GRAP2: variants seen among roughly 807,000 people sequenced by gnomAD.
GRAP2 encodes the protein GRB2 related adaptor protein 2.
GRAP2 carries 31 observed loss-of-function variants against 43.5 expected under a neutral mutation model. The ratio of observed to expected loss-of-function variants is 0.71; its 90% CI spans 0.54 to 0.96. The LOEUF (loss-of-function observed/expected upper bound fraction) is 0.96, where lower values mean the gene tolerates loss of function less well. Among genes scored for constraint, GRAP2 ranks in the 40% least tolerant of loss-of-function variants. The probability of loss-of-function intolerance (pLI) is 0.00; values close to 1 mark genes in which losing one functional copy is unlikely to be tolerated. For synonymous variants in GRAP2, 156 were observed against 164.8 expected, an observed-to-expected ratio of 0.95 and a Z score of 0.41; for missense variants, 371 against 424.4, an observed-to-expected ratio of 0.87 and a Z score of 1.11.
chr22:39,961,732 G>T (rs2067122006), intron 4 of GRAP2, among the ~76,000 whole-genome samples: 1 of 152,212 alleles, frequency 6.6e-6, no homozygotes, highest in Non-Finnish European at 1.5e-5. Context: ...TAGCAGATCA[G>T]GAGAAGTACA....
rs531163734 is a variant in GRAP2 at position 39,930,381 on chromosome 22, T to G, written c.-14-16712T>G. 5.3e-5 allele frequency among the ~76,000 whole-genome samples: 8 copies of G among 152,354 alleles called. No homozygotes were observed. In the South Asian group the frequency reaches 1.7e-3, roughly 32 times the overall value. On this transcript the variant is annotated intron_variant, in intron 1 of 7. Transcript: ENST00000344138. Reference sequence around the variant, plus strand: ...TGATACATATGAACTTGGGTGATTATTTAACCCCTTTGAGCTTCACTTTCC... The same window carrying G: ...TGATACATATGAACTTGGGTGATTAGTTAACCCCTTTGAGCTTCACTTTCC...
intron 1 of GRAP2, among the ~76,000 whole-genome samples, chr22:39,936,410 C>T (rs1348621238): frequency 2.0e-5 from 3 of 152,094 alleles, no homozygotes; most frequent in Non-Finnish European, 2.9e-5. Flanking sequence ...GAGTGAGGCT[C>T]GAAGTAGCAT....
At chr22:39,917,401 G>T (rs1485263774) in intron 1 of GRAP2, among the ~76,000 whole-genome samples, 1 of 152,156 alleles carries the variant, frequency 6.6e-6, no homozygotes, top group African/African-American at 2.4e-5. Flanking sequence ...CCTGCCAGAT[G>T]CTTCTCGTTC....
At position 39,959,948 on chromosome 22, in the gene GRAP2, G is replaced by C. The variant is rs571884668; in HGVS notation, c.171-107G>C. On this transcript the variant is annotated intron_variant, in intron 3 of 7. Coordinates refer to ENST00000344138, the MANE Select transcript of GRAP2 (RefSeq NM_004810.4). ...ACCTGGTCTCTCTCTGCTCCCTACTGTACAGAGTCCCCAGCCTCTTTCCCT... is the reference window on the plus strand; with the variant it reads ...ACCTGGTCTCTCTCTGCTCCCTACTCTACAGAGTCCCCAGCCTCTTTCCCT... The C allele has an allele frequency of 1.4e-5, 14 of 1,010,602 alleles. No individual in the cohort carries two copies. In the African/African-American group the frequency reaches 2.0e-4, roughly 15 times the overall value. The allele number at this position is 1,010,602 out of a possible 1,614,324, so 62.6% of individuals were successfully genotyped here.
intron 1 of GRAP2, among the ~76,000 whole-genome samples, chr22:39,917,525 G>A (rs1426510519): frequency 2.0e-5 from 3 of 152,168 alleles, no homozygotes; most frequent in African/African-American, 7.2e-5. Context: ...GAGAGCTCTT[G>A]TACAAAACCA....
At chr22:39,956,865 C>G (rs928806694) in intron 3 of GRAP2, among the ~76,000 whole-genome samples, 1 of 152,136 alleles carries the variant, frequency 6.6e-6, no homozygotes, top group African/African-American at 2.4e-5. Context: ...ACGCTATTGG[C>G]CACCCCACTT....
chr22:39,953,788 T>TATTTTC (rs2067016076), intron 2 of GRAP2, among the ~76,000 whole-genome samples: 1 of 152,202 alleles, frequency 6.6e-6, no homozygotes, highest in Admixed American at 6.5e-5. Context: ...GTTTTATTTT[T>TATTTTC]ATTTTCATAG....
chr22:39,948,500 A>G (rs1468763069), intron 2 of GRAP2: 1 of 150,046 alleles, frequency 6.7e-6, no homozygotes, highest in Non-Finnish European at 1.5e-5. Flanking sequence ...AGTTTTCTCT[A>G]TTCCTCAGAA....
chr22:39,927,708 T>C (rs1051646628), intron 1 of GRAP2, among the ~76,000 whole-genome samples: 4 of 152,136 alleles, frequency 2.6e-5, no homozygotes, highest in Admixed American at 6.5e-5. Flanking sequence ...ATAATGGCCA[T>C]TTCCGGGGCC....
At position 39,968,012 on chromosome 22, in the gene GRAP2, C is replaced by T. The variant is rs1245175063; in HGVS notation, c.460-30C>T. The T allele has an allele frequency of 5.6e-6, 9 of 1,600,928 alleles. No individual in the cohort carries two copies. In the Admixed American group the frequency reaches 1.0e-4, roughly 18 times the overall value. On this transcript the variant is annotated intron_variant, in intron 5 of 7. Coordinates refer to ENST00000344138, the MANE Select transcript of GRAP2 (RefSeq NM_004810.4). ...GGCCAGACGATCAGAGAGGAGGATG[C>T]ATCTGCAGCATCTCTGTTCTTTCTC...
At chr22:39,900,764 G>A (rs561217490), upstream of GRAP2, among the ~76,000 whole-genome samples, 4 of 152,198 alleles carry the variant, frequency 2.6e-5, no homozygotes, top group African/African-American at 4.8e-5. Context: ...GTGAGTGATC[G>A]AGGGTGCTCT....
At chr22:39,925,031 A>G (rs2066685581) in intron 1 of GRAP2, among the ~76,000 whole-genome samples, 1 of 152,170 alleles carries the variant, frequency 6.6e-6, no homozygotes, top group Non-Finnish European at 1.5e-5. Flanking sequence ...ACATTTGTGA[A>G]TCAAAGCTCA....
rs182826334 is a variant in GRAP2 at position 39,902,835 on chromosome 22, G to A, written c.-15+1505G>A. Among the ~76,000 whole-genome samples the A allele has an allele frequency of 3.3e-5, 5 of 152,306 alleles. No homozygotes were observed. In the East Asian group the frequency reaches 9.6e-4, roughly 29 times the overall value. ...AGAATAAATGAGTTAACATAGATAT[G>A]AAGTGCCTTAGGAAAAAGGCTCTAT... On this transcript the variant is annotated intron_variant, in intron 1 of 7. Transcript: ENST00000344138.
chr22:39,929,811 A>G (rs1412822520), intron 1 of GRAP2, among the ~76,000 whole-genome samples: 1 of 152,206 alleles, frequency 6.6e-6, no homozygotes, highest in African/African-American at 2.4e-5. Flanking sequence ...GGGAGTCTCT[A>G]CATAGATCAT....
chr22:39,970,482 A>T (rs1444604410), intron 7 of GRAP2, among the ~76,000 whole-genome samples: 1 of 152,124 alleles, frequency 6.6e-6, no homozygotes, highest in Non-Finnish European at 1.5e-5. Flanking sequence ...AATACCACCT[A>T]TTGATGTGGA....
At chr22:39,901,900 A>G (rs1434536731) in intron 1 of GRAP2, among the ~76,000 whole-genome samples, 3 of 152,168 alleles carry the variant, frequency 2.0e-5, no homozygotes, top group African/African-American at 4.8e-5. Flanking sequence ...CTCCATCCCT[A>G]TGACTGTCTC....
chr22:39,899,562 G>C (rs996979407), upstream of GRAP2, among the ~76,000 whole-genome samples: 8 of 137,824 alleles, frequency 5.8e-5, no homozygotes, highest in African/African-American at 1.9e-4. Context: ...TATTTTTAAA[G>C]TAGCAAGATG....
At position 39,971,631 on chromosome 22, in the gene GRAP2, T is replaced by C. The variant is rs1174690379; in HGVS notation, c.*547T>C. 1 of 152,580 alleles carries C rather than the reference T, an allele frequency of 6.6e-6. No individual in the cohort carries two copies. Among genetic ancestry groups the C allele is most frequent in the Non-Finnish European group, 1.5e-5 (1 of 68,330 alleles). The allele number at this position is 152,580 out of a possible 1,614,324, so 9.5% of individuals were successfully genotyped here. A position where few individuals can be genotyped will look rare whatever the true frequency, so the allele number is the denominator to read the frequency against. ...AGTGCTGCGGGCAGCCAAGCGAGTC[T>C]GAGCGGGGATGTGAAGGCAGGACGG... On this transcript the variant is annotated 3_prime_UTR_variant, in exon 8 of 8. Coordinates refer to ENST00000344138, the MANE Select transcript of GRAP2 (RefSeq NM_004810.4).
At chr22:39,955,767 T>G (rs945016861) in intron 2 of GRAP2, 52 bp from the exon 3 acceptor site, 1 of 910,354 alleles carries the variant, frequency 1.1e-6, no homozygotes, top group African/African-American at 1.6e-5. Context: ...TTTCTCTTGT[T>G]TTTTTGGTGT....
Sources: gnomAD v4.1 joint callset for allele counts (sites outside exome capture counted in the v4.1 genomes callset) on GRCh38, gnomAD v4.1.1 for gene constraint, MANE v1.5 for transcripts, NCBI Gene and HGNC (gene_info 2026-07-23, HGNC 2026-07-21) for gene names.